The following COL4A6 variants were observed in gnomAD, a reference collection of about 807,000 sequenced individuals.
COL4A6 encodes collagen alpha-6(IV) chain.
In COL4A6, 59 loss-of-function variants were observed where a neutral mutation model predicts 126.7. The ratio of observed to expected loss-of-function variants is 0.47; its 90% CI spans 0.38 to 0.58. COL4A6 has a LOEUF of 0.58. Among genes scored for constraint, COL4A6 ranks in the 20% least tolerant of loss-of-function variants. The probability of loss-of-function intolerance (pLI) is 0.00; values close to 1 mark genes in which losing one functional copy is unlikely to be tolerated. For missense variants in COL4A6, 1,285 were observed against 1,337.3 expected, an observed-to-expected ratio of 0.96 and a Z score of 0.61; for synonymous variants, 547 against 496.6, an observed-to-expected ratio of 1.10 and a Z score of -1.35.
At chrX:108,363,087 G>T (rs1232002919) in intron 2 of COL4A6, among the ~76,000 whole-genome samples, 1 of 112,312 alleles carries the variant, frequency 8.9e-6, no homozygotes, top group Admixed American at 9.5e-5. Context: ...CTAAAACTCA[G>T]AGTGGCTGAG....
At chrX:108,413,566 C>CT (rs1272453728) in intron 2 of COL4A6, among the ~76,000 whole-genome samples, 2 of 111,695 alleles carry the variant, frequency 1.8e-5, no homozygotes, top group African/African-American at 6.5e-5. Flanking sequence ...TCACGCCATT[C>CT]TCCTGCCTCA....
Position 108,187,838 on chromosome X carries a change from A to G in COL4A6, c.1767+10T>C. 5.8e-6 allele frequency: 7 copies of G among 1,200,440 alleles called. No homozygotes were observed. Among genetic ancestry groups the G allele is most frequent in the Non-Finnish European group, 7.9e-6 (7 of 888,051 alleles). ...CTGTAGAGCTAATCACCTAGGAACG[A>G]TCAACTTACCGGAAGGCCTGGCAGA... On this transcript the variant is annotated intron_variant, in intron 22 of 44. Coordinates refer to ENST00000334504, the MANE Select transcript of COL4A6 (RefSeq NM_033641.4).
intron 3 of COL4A6, among the ~76,000 whole-genome samples, chrX:108,281,771 C>G (rs1176173963): frequency 2.7e-5 from 3 of 110,173 alleles, no homozygotes; most frequent in South Asian, 4.0e-4. Context: ...GTAACCAAAA[C>G]AGCATGGCAC....
At chrX:108,394,507 G>C (rs1358657340) in intron 2 of COL4A6, among the ~76,000 whole-genome samples, 1 of 111,279 alleles carries the variant, frequency 9.0e-6, no homozygotes, top group Non-Finnish European at 1.9e-5. Flanking sequence ...AAAGATGGGA[G>C]GGGTATCTTT....
intron 3 of COL4A6, among the ~76,000 whole-genome samples, chrX:108,270,371 G>A (rs1047585738): frequency 1.8e-5 from 2 of 112,997 alleles, no homozygotes; most frequent in African/African-American, 6.4e-5. Flanking sequence ...CCAGTTACAA[G>A]CTTATGCTTT....
At chrX:108,181,878 C>A (rs1003750402) in intron 23 of COL4A6, among the ~76,000 whole-genome samples, 1 of 112,009 alleles carries the variant, frequency 8.9e-6, no homozygotes, top group African/African-American at 3.2e-5. Context: ...TAAAACAATC[C>A]CCCAAGGTCT....
At chrX:108,284,602 A>G (rs766673598) in intron 3 of COL4A6, among the ~76,000 whole-genome samples, 24 of 112,429 alleles carry the variant, frequency 2.1e-4, no homozygotes, top group African/African-American at 6.4e-4. Flanking sequence ...CACTATTTGG[A>G]TCCAGACACT....
intron 2 of COL4A6, among the ~76,000 whole-genome samples, chrX:108,378,771 G>T (rs1383479779): frequency 8.8e-6 from 1 of 113,123 alleles, no homozygotes; most frequent in African/African-American, 3.2e-5. Context: ...GCAAACTATG[G>T]CCCCCTGGGC....
At chrX:108,372,835 C>A in intron 2 of COL4A6, among the ~76,000 whole-genome samples, 1 of 112,001 alleles carries the variant, frequency 8.9e-6, no homozygotes, top group East Asian at 2.8e-4. Flanking sequence ...TTCAAATCAA[C>A]CCTATTTAGT....
At position 108,271,374 on chromosome X, in the gene COL4A6, T is replaced by A. The variant is rs554929612; in HGVS notation, c.144+39374A>T. On this transcript the variant is annotated intron_variant, in intron 3 of 44. Coordinates refer to ENST00000334504, the MANE Select transcript of COL4A6 (RefSeq NM_033641.4). ...CTAAAGATGATCCTATGCTTCACAA[T>A]TTACTTCAAAATTTGTGTCAGGCCA... 2.7e-5 allele frequency among the ~76,000 whole-genome samples: 3 copies of A among 112,489 alleles called. No individual in the cohort carries two copies. The South Asian group carries it at 1.1e-3, about 42-fold the overall frequency.
At chrX:108,209,239 C>T (rs2035632280) in intron 8 of COL4A6, among the ~76,000 whole-genome samples, 1 of 112,111 alleles carries the variant, frequency 8.9e-6, no homozygotes, top group Non-Finnish European at 1.9e-5. Flanking sequence ...TCACAAGCTA[C>T]CTTCTGTCTC....
intron 36 of COL4A6, 47 bp from the exon 37 acceptor site, chrX:108,169,667 GC>G (rs773233629): frequency 2.6e-6 from 3 of 1,164,596 alleles, no homozygotes; most frequent in Non-Finnish European, 3.4e-6. Flanking sequence ...TGGAGGTGAG[GC>G]CTTCCTGCCT....
At chrX:108,396,805 C>G (rs2040974747) in intron 2 of COL4A6, among the ~76,000 whole-genome samples, 1 of 111,478 alleles carries the variant, frequency 9.0e-6, no homozygotes, top group Admixed American at 9.6e-5. Flanking sequence ...TTGACATGAG[C>G]TCCCTTTCTC....
At chrX:108,426,043 G>T (rs890022471) in intron 2 of COL4A6, among the ~76,000 whole-genome samples, 1 of 110,884 alleles carries the variant, frequency 9.0e-6, no homozygotes, top group Non-Finnish European at 1.9e-5. Flanking sequence ...GGTGCTAGAC[G>T]GTATTTATGC....
At chrX:108,225,824 G>A (rs755086554) in intron 3 of COL4A6, among the ~76,000 whole-genome samples, 7 of 112,656 alleles carry the variant, frequency 6.2e-5, no homozygotes, top group African/African-American at 2.3e-4. Context: ...CTCCGTTAAG[G>A]TTCCAGTGTT....
At chrX:108,168,847 G>A (rs1202713421) in intron 37 of COL4A6, among the ~76,000 whole-genome samples, 1 of 111,640 alleles carries the variant, frequency 9.0e-6, no homozygotes, top group East Asian at 2.8e-4. Flanking sequence ...GGTTAACATG[G>A]AGTGGAATGT....
At position 108,221,314 on chromosome X, in the gene COL4A6, T is replaced by A; in HGVS notation, c.205A>T (p.Thr69Ser). The change falls in exon 4 of 45, where the codon ACT (threonine) becomes TCT (serine). Residue 69 changes from threonine to serine, a missense_variant. Physicochemically the swap from Thr to Ser is moderately conservative, Grantham distance 58. Transcript: ENST00000334504. ...TCTCCTTTCAATCCCGATAAACCAG[T>A]AGAGCCAGTGAATCCTTGAGGACCT... ...PTGPQGFTGSTGLSGLKGERG... is the reference protein window; with the variant it reads ...PTGPQGFTGSSGLSGLKGERG... 4 of 1,211,476 alleles carry A rather than the reference T, an allele frequency of 3.3e-6. No individual in the cohort carries two copies. The highest frequency in any genetic ancestry group is 3.4e-6 in the Non-Finnish European group (3 of 895,142).
intron 2 of COL4A6, among the ~76,000 whole-genome samples, chrX:108,403,306 T>C (rs1247007538): frequency 1.9e-5 from 2 of 105,151 alleles, no homozygotes; most frequent in Non-Finnish European, 3.9e-5. Context: ...ATGTGTTGTA[T>C]TTCCTGAATT....
At chrX:108,214,252 T>C in intron 5 of COL4A6, 24 bp from the exon 6 acceptor site, 1 of 1,086,339 alleles carries the variant, frequency 9.2e-7, no homozygotes, top group South Asian at 2.0e-5. Flanking sequence ...AAAGAAGGGA[T>C]CAAGTTAGCC....
Sources: gnomAD v4.1 joint callset for allele counts (sites outside exome capture counted in the v4.1 genomes callset) on GRCh38, gnomAD v4.1.1 for gene constraint, MANE v1.5 for transcripts, NCBI Gene and HGNC (gene_info 2026-07-23, HGNC 2026-07-21) for gene names.